Variants in TES observed in about 807,000 individuals in gnomAD.
The protein encoded by TES is testin LIM domain protein.
A neutral mutation model predicts 48.2 loss-of-function variants in TES; 41 were observed. The observed-to-expected ratio is 0.85, with a 90% CI of 0.66 to 1.10. The LOEUF is 1.10. Ranked by LOEUF, TES falls within the 50% of genes least tolerant of loss-of-function variation. The pLI is 0.00. For synonymous variants in TES, 162 were observed against 174.9 expected (o/e 0.93, Z 0.58); for missense variants, 463 against 515.1 (o/e 0.90, Z 0.98).
intron 1 of TES, 154 bp downstream of exon 1, chr7:116,210,888 C>A: frequency 1.8e-6 from 1 of 555,678 alleles, no homozygotes; most frequent in Non-Finnish European, 2.7e-6. Flanking sequence ...GGACCTGGCC[C>A]CCTGGGTAGA....
chr7:116,230,238 A>G (rs1201179297), intron 1 of TES, among the ~76,000 whole-genome samples: 1 of 152,138 alleles, frequency 6.6e-6, no homozygotes, highest in Non-Finnish European at 1.5e-5. Context: ...TCTTTCACTT[A>G]CTTGCTCTCT....
At chr7:116,212,752 T>A (rs568173338) in intron 1 of TES, among the ~76,000 whole-genome samples, 1 of 152,328 alleles carries the variant, frequency 6.6e-6, no homozygotes, top group East Asian at 1.9e-4. Flanking sequence ...TGATAAATAA[T>A]GCCCTTGACA....
rs117987153 is a variant in TES, at chr7:116,226,480, A to G, written c.28-8054A>G. ...GTGAAAAGCTCCGCTTAAAACAGAG[A>G]GCGGCTGGAGGGGAGTGGTGTGAGG... On this transcript the variant is annotated intron_variant, in intron 1 of 6. Coordinates refer to ENST00000358204, the MANE Select transcript of TES (RefSeq NM_015641.4). Among the ~76,000 whole-genome samples the G allele has an allele frequency of 8.8e-4, 134 of 152,276 alleles. 4 individuals are homozygous for G. The East Asian group carries it at 0.024, about 28-fold the overall frequency.
intron 1 of TES, among the ~76,000 whole-genome samples, chr7:116,225,041 T>G (rs1799605299): frequency 6.6e-6 from 1 of 151,936 alleles, no homozygotes; most frequent in Non-Finnish European, 1.5e-5. Flanking sequence ...CAATAGGTTG[T>G]TGGGGATTAA....
intron 6 of TES, among the ~76,000 whole-genome samples, chr7:116,255,661 AAAAG>A (rs1334369760): frequency 7.2e-5 from 11 of 152,200 alleles, no homozygotes; most frequent in African/African-American, 2.7e-4. Flanking sequence ...AGGTCTGAGA[AAAAG>A]AAGATAGATC....
At chr7:116,251,727 T>C in intron 4 of TES, 33 bp from the exon 5 acceptor site, 1 of 1,573,758 alleles carries the variant, frequency 6.4e-7, no homozygotes, top group Non-Finnish European at 8.7e-7. Context: ...AGTCTTCTAA[T>C]GACTAGGTTG....
At chr7:116,214,220 T>A (rs1279054678) in intron 1 of TES, among the ~76,000 whole-genome samples, 2 of 152,198 alleles carry the variant, frequency 1.3e-5, no homozygotes, top group Non-Finnish European at 2.9e-5. Flanking sequence ...CCCCTTTCTC[T>A]GTATCCAAAC....
In TES at chr7:116,249,129, C is replaced by T; in HGVS notation, c.223C>T (p.Leu75=). 1 of 1,614,100 alleles carries T rather than the reference C, an allele frequency of 6.2e-7. No homozygotes were observed. The highest frequency in any genetic ancestry group is 8.5e-7 in the Non-Finnish European group (1 of 1,179,988). ...TTTTGAAGACACCAAGTATACCACT[C>T]TGATTGCAAAACTAAAGTCAGATGG... The part of the protein sequence containing the change: ...KLFEDTKYTT[L]IAKLKSDGIP... Residue 75 remains leucine, a synonymous_variant, in exon 3 of 7, where the codon CTG becomes TTG. Transcript: ENST00000358204.
chr7:116,250,384 A>T lies in TES; in HGVS notation c.590A>T (p.Glu197Val). The change falls in exon 4 of 7, where the codon GAG becomes GTG. Residue 197 changes from glutamate (E) to valine (V), a missense_variant. Coordinates refer to ENST00000358204, the MANE Select transcript of TES (RefSeq NM_015641.4). The part of the protein sequence containing the change: ...LGVGDVKLPC[E>V]MDAQGPKQMN... ...GTAGGAGATGTCAAACTTCCCTGTG[A>T]GATGGATGCCCAAGGCCCCAAACAA... 1 of 1,614,042 alleles carries T rather than the reference A, an allele frequency of 6.2e-7. No individual in the cohort carries two copies. The highest frequency in any genetic ancestry group is 8.5e-7 in the Non-Finnish European group (1 of 1,179,938).
chr7:116,231,667 A>T (rs1183580470), intron 1 of TES, among the ~76,000 whole-genome samples: 2 of 152,234 alleles, frequency 1.3e-5, no homozygotes, highest in Non-Finnish European at 2.9e-5. Context: ...TGTCTGGGTT[A>T]TGATAAGGGG....
chr7:116,254,061 C>T (rs570199010), intron 6 of TES, among the ~76,000 whole-genome samples: 115 of 100,516 alleles, frequency 1.1e-3, no homozygotes, highest in African/African-American at 3.3e-3. Context: ...GGGAACAAGA[C>T]GTCAAATCAC....
At chr7:116,222,056 C>T (rs971156976) in intron 1 of TES, among the ~76,000 whole-genome samples, 3 of 152,040 alleles carry the variant, frequency 2.0e-5, no homozygotes, top group African/African-American at 7.2e-5. Flanking sequence ...TTATGCAGCA[C>T]AACATATCAA....
intron 1 of TES, among the ~76,000 whole-genome samples, chr7:116,229,327 AAT>A (rs1438922921): frequency 1.3e-5 from 2 of 152,060 alleles, no homozygotes; most frequent in African/African-American, 4.8e-5. Flanking sequence ...GATGTCCAAG[AAT>A]AGTCATAGCC....
At chr7:116,228,113 T>C (rs1360633527) in intron 1 of TES, among the ~76,000 whole-genome samples, 1 of 151,880 alleles carries the variant, frequency 6.6e-6, no homozygotes, top group African/African-American at 2.4e-5. Flanking sequence ...CTGAAAATTA[T>C]GAATATGGAT....
rs1800120235 is a variant in TES at position 116,257,541 on chromosome 7, G to A, written c.*59G>A. 4.0e-6 allele frequency: 5 copies of A among 1,241,776 alleles called. No homozygotes were observed. Among genetic ancestry groups the A allele is most frequent in the Non-Finnish European group, 5.2e-6 (5 of 955,736 alleles). 76.9% of individuals were successfully genotyped at this position (1,241,776 alleles called of 1,614,324 possible). A position where few individuals can be genotyped will look rare whatever the true frequency, so the allele number is the denominator to read the frequency against. On this transcript the variant is annotated 3_prime_UTR_variant, in exon 7 of 7. Coordinates refer to ENST00000358204, the MANE Select transcript of TES (RefSeq NM_015641.4). ...ATCCAAAGTGGTCTGCATTTCTACT[G>A]TAAAATGCAATTTGAAAAAAATAAA... is the stretch of plus-strand genomic sequence containing the variant.
In TES at chr7:116,257,718, T is replaced by C; in HGVS notation, c.*236T>C. On this transcript the variant is annotated 3_prime_UTR_variant, in exon 7 of 7. Transcript: ENST00000358204. ...GTAAATAATTGTATCTTTCCATAGCTTTTCAAATGTGAAATCATTTTTGGA... is the reference window on the plus strand; with the variant it reads ...GTAAATAATTGTATCTTTCCATAGCCTTTCAAATGTGAAATCATTTTTGGA... 3.1e-6 allele frequency: 1 copy of C among 326,610 alleles called. No homozygotes were observed. Among genetic ancestry groups the C allele is most frequent in the South Asian group, 6.7e-5 (1 of 14,818 alleles). 20.2% of individuals were successfully genotyped at this position (326,610 alleles called of 1,614,324 possible). A position where few individuals can be genotyped will look rare whatever the true frequency, so the allele number is the denominator to read the frequency against.
Position 116,257,531 on chromosome 7 carries a change from C to T in TES, c.*49C>T, listed in dbSNP as rs781481721. 2.3e-6 allele frequency: 3 copies of T among 1,332,732 alleles called. No individual in the cohort carries two copies. The East Asian group carries it at 8.1e-5, about 36-fold the overall frequency. The allele number at this position is 1,332,732 out of a possible 1,614,324, so 82.6% of individuals were successfully genotyped here. ...AGCCATAGCTATCCAAAGTGGTCTG[C>T]ATTTCTACTGTAAAATGCAATTTGA... On this transcript the variant is annotated 3_prime_UTR_variant, in exon 7 of 7. Coordinates refer to ENST00000358204, the MANE Select transcript of TES (RefSeq NM_015641.4).
rs1490902313 is a variant in TES at position 116,257,452 on chromosome 7, T to G, written c.1236T>G (p.Cys412Trp). The change falls in exon 7 of 7, where the codon TGT becomes TGG. Residue 412 changes from cysteine to tryptophan, a missense_variant. Physicochemically the swap from Cys to Trp is radical, Grantham distance 215. Transcript: ENST00000358204. ...TGCCAGTAGAAGGGATGGTTTTCTGTTCAGTGGAATGTAAGAAGAGGATGT... is the reference window on the plus strand; with the variant it reads ...TGCCAGTAGAAGGGATGGTTTTCTGGTCAGTGGAATGTAAGAAGAGGATGT... Reference protein sequence around the residue: ...KFMPVEGMVFCSVECKKRMS With the variant: ...KFMPVEGMVFWSVECKKRMS 1 of 1,613,142 alleles carries G rather than the reference T, an allele frequency of 6.2e-7. No homozygotes were observed. Among genetic ancestry groups the G allele is most frequent in the African/African-American group, 1.3e-5 (1 of 74,892 alleles).
chr7:116,227,303 TA>T (rs1390782406), intron 1 of TES, among the ~76,000 whole-genome samples: 1 of 151,140 alleles, frequency 6.6e-6, no homozygotes, highest in African/African-American at 2.4e-5. Flanking sequence ...TTTTTTTTTT[TA>T]GTAGAAACGG....
Sources: gnomAD v4.1 joint callset for allele counts (sites outside exome capture counted in the v4.1 genomes callset) on GRCh38, gnomAD v4.1.1 for gene constraint, MANE v1.5 for transcripts, NCBI Gene and HGNC (gene_info 2026-07-23, HGNC 2026-07-21) for gene names.